The following PALM2AKAP2 variants were observed in gnomAD, a reference collection of about 807,000 sequenced individuals.
The protein encoded by PALM2AKAP2 is PALM2-AKAP2 fusion protein.
A neutral mutation model predicts 71.5 loss-of-function variants in PALM2AKAP2; 37 were observed. The ratio of observed to expected loss-of-function variants is 0.52; its 90% CI spans 0.40 to 0.68. PALM2AKAP2 has a LOEUF of 0.68. Among genes scored for constraint, PALM2AKAP2 ranks in the 30% least tolerant of loss-of-function variants. The probability of loss-of-function intolerance (pLI) is 0.00; values close to 1 mark genes in which losing one functional copy is unlikely to be tolerated. For missense variants in PALM2AKAP2, 1,224 were observed against 1,191.8 expected (o/e 1.03, Z -0.40); for synonymous variants, 468 against 478.8 (o/e 0.98, Z 0.29).
chr9:109,700,618 A>G (rs1249533823), intron 1 of PALM2AKAP2, among the ~76,000 whole-genome samples: 1 of 152,178 alleles, frequency 6.6e-6, no homozygotes, highest in East Asian at 1.9e-4. Flanking sequence ...TTCCTCTCGG[A>G]TAGATTGCTT....
At chr9:109,704,290 T>G (rs1433928895) in intron 1 of PALM2AKAP2, among the ~76,000 whole-genome samples, 1 of 152,206 alleles carries the variant, frequency 6.6e-6, no homozygotes, top group Non-Finnish European at 1.5e-5. Flanking sequence ...ATTTCCCCCC[T>G]TTTTAGCCTG....
At chr9:109,952,981 C>G (rs1372551788) in intron 6 of PALM2AKAP2, among the ~76,000 whole-genome samples, 2 of 152,196 alleles carry the variant, frequency 1.3e-5, no homozygotes, top group Non-Finnish European at 2.9e-5. Context: ...GTTGCCCAAC[C>G]AGAGGCCTCA....
chr9:110,068,894 C>T (rs1332610269), intron 1 of PALM2AKAP2, among the ~76,000 whole-genome samples: 1 of 152,122 alleles, frequency 6.6e-6, no homozygotes, highest in Non-Finnish European at 1.5e-5. Flanking sequence ...TAACAAGGTG[C>T]CAGAGATAAT....
chr9:110,137,336 C>T (rs761692121), exon 2 of PALM2AKAP2: 2 of 1,614,180 alleles, frequency 1.2e-6, no homozygotes, highest in South Asian at 2.2e-5. Flanking sequence ...CTCAGACAAG[C>T]CACTGACTAA....
intron 3 of PALM2AKAP2, among the ~76,000 whole-genome samples, chr9:110,164,261 A>G (rs905455225): frequency 1.3e-5 from 2 of 152,200 alleles, no homozygotes; most frequent in South Asian, 2.1e-4. Context: ...TCTGTCTTCA[A>G]TTTAAAAGCA....
intron 6 of PALM2AKAP2, among the ~76,000 whole-genome samples, chr9:109,970,016 C>T (rs1294735907): frequency 6.6e-6 from 1 of 152,204 alleles, no homozygotes; most frequent in Non-Finnish European, 1.5e-5. Context: ...ACAGGAAGTG[C>T]CCACACAGAT....
intron 7 of PALM2AKAP2, among the ~76,000 whole-genome samples, chr9:110,016,575 C>T (rs952643084): frequency 2.6e-5 from 4 of 152,182 alleles, no homozygotes; most frequent in Non-Finnish European, 5.9e-5. Context: ...AATGAGTCAT[C>T]TAGAAATCCA....
chr9:109,841,285 A>G (rs1255064562), intron 1 of PALM2AKAP2, among the ~76,000 whole-genome samples: 1 of 142,692 alleles, frequency 7.0e-6, no homozygotes, highest in Non-Finnish European at 1.5e-5. Flanking sequence ...CAAACACCGC[A>G]TGTTCTCACT....
At chr9:109,843,654 C>G (rs1310777475) in intron 1 of PALM2AKAP2, among the ~76,000 whole-genome samples, 1 of 152,162 alleles carries the variant, frequency 6.6e-6, no homozygotes, top group Non-Finnish European at 1.5e-5. Context: ...ATGCTTGTTT[C>G]CATCCTCTTT....
At chr9:110,083,109 C>T (rs2118714587) in intron 1 of PALM2AKAP2, among the ~76,000 whole-genome samples, 1 of 152,248 alleles carries the variant, frequency 6.6e-6, no homozygotes, top group East Asian at 1.9e-4. Flanking sequence ...CCATTGCACT[C>T]CAGCCTGGGC....
intron 1 of PALM2AKAP2, among the ~76,000 whole-genome samples, chr9:110,057,740 C>G (rs894077334): frequency 1.3e-5 from 2 of 152,180 alleles, no homozygotes; most frequent in African/African-American, 4.8e-5. Context: ...GTCTGGGGAC[C>G]TGCAGCATTC....
At chr9:109,824,261 T>A (rs1828085129) in intron 1 of PALM2AKAP2, among the ~76,000 whole-genome samples, 1 of 152,200 alleles carries the variant, frequency 6.6e-6, no homozygotes, top group Non-Finnish European at 1.5e-5. Context: ...AAGGTGGAAA[T>A]GTAAATGACA....
intron 2 of PALM2AKAP2, among the ~76,000 whole-genome samples, chr9:110,144,684 A>G (rs888101570): frequency 6.6e-6 from 1 of 152,210 alleles, no homozygotes; most frequent in Non-Finnish European, 1.5e-5. Context: ...TTTCTACTCT[A>G]AAACTTGAGA....
chr9:109,873,972 A>G (rs1829663728), intron 2 of PALM2AKAP2, among the ~76,000 whole-genome samples: 1 of 152,178 alleles, frequency 6.6e-6, no homozygotes, highest in African/African-American at 2.4e-5. Context: ...TTCCATCTCT[A>G]CAAAAATAAA....
Position 109,866,080 on chromosome 9 carries a change from T to C in PALM2AKAP2, c.46-1411T>C, listed in dbSNP as rs1829440596. 5.3e-5 allele frequency among the ~76,000 whole-genome samples: 8 copies of C among 152,258 alleles called. No homozygotes were observed. The South Asian group carries it at 1.7e-3, about 31-fold the overall frequency. On this transcript the variant is annotated intron_variant, in intron 1 of 9. Coordinates refer to the PALM2AKAP2 transcript ENST00000302798. ...AGGGAGATTATATCCGTGACTTAGA[T>C]ATCATATTCTAGTGGCTTAAGATTA...
At chr9:109,871,893 A>G (rs554007359) in intron 2 of PALM2AKAP2, among the ~76,000 whole-genome samples, 1 of 152,194 alleles carries the variant, frequency 6.6e-6, no homozygotes, top group Non-Finnish European at 1.5e-5. Context: ...TTATACTTCA[A>G]TAGCATTAAT....
At chr9:109,905,623 A>G (rs17806031) in intron 3 of PALM2AKAP2, among the ~76,000 whole-genome samples, 2,667 of 152,336 alleles carry the variant, frequency 0.018, 111 homozygotes, top group South Asian at 0.14. Context: ...GCATTTCTCA[A>G]ACTCCATGAC....
At chr9:110,014,253 A>G (rs1832931365) in intron 6 of PALM2AKAP2, among the ~76,000 whole-genome samples, 1 of 152,188 alleles carries the variant, frequency 6.6e-6, no homozygotes, top group Admixed American at 6.5e-5. Context: ...TTTTTTTAGG[A>G]AAATCAATAA....
rs56132919 is a variant in PALM2AKAP2 at position 110,053,527 on chromosome 9, CAAAAAAAAA to C, written c.156+4685_156+4693del. On this transcript the variant is annotated intron_variant, in intron 1 of 3. Transcript: ENST00000374525. The stretch of plus-strand genomic sequence containing the variant: ...TGGTGACAGAGCAAGAACTCTGTCT[CAAAAAAAAA>C]AAAAAAAAAAAAGAAAAAAAGAAAG... 2.3e-3 allele frequency among the ~76,000 whole-genome samples: 193 copies of C among 82,876 alleles called. 2 individuals carry two copies. The highest frequency in any genetic ancestry group is 7.9e-3 in the African/African-American group (174 of 21,936). The allele number at this position is 82,876 out of a possible 152,430, so 54.4% of individuals were successfully genotyped here.
Sources: allele counts gnomAD v4.1 joint callset (sites outside exome capture counted in the v4.1 genomes callset), GRCh38; gene constraint gnomAD v4.1.1; transcripts MANE v1.5; gene names NCBI Gene and HGNC (gene_info 2026-07-23, HGNC 2026-07-21).